CACNA2D3: variants seen among roughly 807,000 people sequenced by gnomAD.
The protein encoded by CACNA2D3 is calcium voltage-gated channel auxiliary subunit alpha2delta 3.
In CACNA2D3, 60 loss-of-function variants were observed where a neutral mutation model predicts 160.6. The ratio of observed to expected loss-of-function variants is 0.37; its 90% CI spans 0.30 to 0.46. The LOEUF (loss-of-function observed/expected upper bound fraction) is 0.46, where lower values mean the gene tolerates loss of function less well. Among genes scored for constraint, CACNA2D3 ranks in the 20% least tolerant of loss-of-function variants. CACNA2D3 has a pLI of 1.00. For synonymous variants in CACNA2D3, 558 were observed against 492.9 expected (o/e 1.13, Z -1.75); for missense variants, 1,205 against 1,365.0 (o/e 0.88, Z 1.85).
intron 2 of CACNA2D3, among the ~76,000 whole-genome samples, chr3:54,262,693 G>A (rs903744421): frequency 3.9e-5 from 6 of 152,136 alleles, no homozygotes; most frequent in African/African-American, 1.4e-4. Flanking sequence ...GGGGGACACA[G>A]GGGTAGTGAA....
chr3:54,425,894 A>G (rs1314946924), intron 4 of CACNA2D3, among the ~76,000 whole-genome samples: 3 of 152,248 alleles, frequency 2.0e-5, no homozygotes, highest in African/African-American at 7.2e-5. Flanking sequence ...CCACAGACGT[A>G]GAGGGGACGT....
At chr3:54,255,309 T>C (rs1425331350) in intron 2 of CACNA2D3, among the ~76,000 whole-genome samples, 2 of 152,174 alleles carry the variant, frequency 1.3e-5, no homozygotes, top group African/African-American at 4.8e-5. Flanking sequence ...TATAGAGCTT[T>C]GATACATCAG....
chr3:54,498,567 T>C (rs7374944), intron 4 of CACNA2D3, among the ~76,000 whole-genome samples: 30,493 of 151,862 alleles, frequency 0.2, 3,523 homozygotes, highest in East Asian at 0.34. Context: ...TTGTTTTGTT[T>C]TAAATTTCTG....
chr3:54,832,017 A>T (rs1218417271), intron 14 of CACNA2D3, among the ~76,000 whole-genome samples: 4 of 126,088 alleles, frequency 3.2e-5, no homozygotes, highest in Admixed American at 2.3e-4. Flanking sequence ...TCTGTCACAC[A>T]CACACACACA....
chr3:54,512,072 A>G (rs1002747804), intron 5 of CACNA2D3, among the ~76,000 whole-genome samples: 13 of 152,278 alleles, frequency 8.5e-5, no homozygotes, highest in African/African-American at 3.1e-4. Flanking sequence ...TGAGAAAGGG[A>G]TTGCCTTGCT....
At chr3:54,156,670 C>T (rs772237027) in intron 2 of CACNA2D3, among the ~76,000 whole-genome samples, 2 of 152,214 alleles carry the variant, frequency 1.3e-5, no homozygotes, top group African/African-American at 4.8e-5. Flanking sequence ...CTTGGTGGAG[C>T]CAGCCACCAT....
intron 2 of CACNA2D3, among the ~76,000 whole-genome samples, chr3:54,141,061 C>CTGTGTGTGTGTGTGTGAG (rs1553731211): frequency 2.3e-5 from 3 of 129,480 alleles, no homozygotes; most frequent in African/African-American, 9.4e-5. Context: ...CAGGTGAAAC[C>CTGTGTGTGTGTGTGTGAG]TGTGTGTGTG....
chr3:54,422,527 A>G (rs1699853116), intron 4 of CACNA2D3, among the ~76,000 whole-genome samples: 2 of 152,228 alleles, frequency 1.3e-5, no homozygotes, highest in Non-Finnish European at 2.9e-5. Flanking sequence ...AACAGTAGAT[A>G]TATAGGCAAC....
At chr3:54,895,171 A>G (rs944285019) in intron 25 of CACNA2D3, among the ~76,000 whole-genome samples, 3 of 152,230 alleles carry the variant, frequency 2.0e-5, no homozygotes, top group African/African-American at 7.2e-5. Context: ...AGACGGCCAT[A>G]GAAAGGAATT....
intron 17 of CACNA2D3, among the ~76,000 whole-genome samples, chr3:54,870,597 A>G (rs1194036357): frequency 1.3e-5 from 2 of 152,204 alleles, no homozygotes; most frequent in South Asian, 2.1e-4. Context: ...TCCAGACACA[A>G]GAACGTCCGG....
intron 21 of CACNA2D3, among the ~76,000 whole-genome samples, chr3:54,883,823 C>CTCTCTCTCTCTCTCTCTCTCTCT (rs60132112): frequency 6.4e-4 from 57 of 88,926 alleles, no homozygotes; most frequent in Middle Eastern, 6.3e-3. Flanking sequence ...CTCTCTCTCT[C>CTCTCTCTCTCTCTCTCTCTCTCT]CTCTCTCTCC....
At chr3:54,695,370 G>GT (rs200425063) in intron 11 of CACNA2D3, among the ~76,000 whole-genome samples, 4,990 of 146,118 alleles carry the variant, frequency 0.034, 87 homozygotes, top group Non-Finnish European at 0.052. Context: ...TTCAAGTTTA[G>GT]TTTTTTTTTT....
At chr3:54,747,513 T>A (rs1204205669) in intron 11 of CACNA2D3, among the ~76,000 whole-genome samples, 3 of 152,204 alleles carry the variant, frequency 2.0e-5, no homozygotes, top group African/African-American at 7.2e-5. Flanking sequence ...TGCTCTATCC[T>A]GCAGCCAGAA....
At chr3:54,742,741 A>G (rs1354312653) in intron 11 of CACNA2D3, among the ~76,000 whole-genome samples, 19 of 152,198 alleles carry the variant, frequency 1.2e-4, no homozygotes, top group East Asian at 1.9e-4. Context: ...TTAAAATACA[A>G]TTGGCTTCAA....
intron 2 of CACNA2D3, among the ~76,000 whole-genome samples, chr3:54,233,575 G>A (rs1164524308): frequency 6.6e-6 from 1 of 152,246 alleles, no homozygotes; most frequent in Non-Finnish European, 1.5e-5. Flanking sequence ...TAGCACTGGT[G>A]AAGTGGCACA....
intron 4 of CACNA2D3, among the ~76,000 whole-genome samples, chr3:54,446,386 G>T (rs1024933858): frequency 1.3e-5 from 2 of 152,112 alleles, no homozygotes; most frequent in African/African-American, 4.8e-5. Flanking sequence ...CAAGGGATTT[G>T]CTTAGATAAG....
intron 13 of CACNA2D3, among the ~76,000 whole-genome samples, chr3:54,804,130 G>C (rs533770597): frequency 1.1e-4 from 16 of 151,892 alleles, no homozygotes; most frequent in African/African-American, 3.9e-4. Flanking sequence ...ATCGAGACTA[G>C]GAAGAAACTG....
intron 4 of CACNA2D3, among the ~76,000 whole-genome samples, chr3:54,401,823 A>G (rs28868570): frequency 0.024 from 3,672 of 152,312 alleles, 68 homozygotes; most frequent in South Asian, 0.057. Flanking sequence ...ATAAAATTCA[A>G]TGGTAAAGGT....
chr3:54,561,939 C>G (rs971912930), intron 5 of CACNA2D3, among the ~76,000 whole-genome samples: 1 of 152,194 alleles, frequency 6.6e-6, no homozygotes, highest in Non-Finnish European at 1.5e-5. Flanking sequence ...TGGTAACATG[C>G]AAGAGAGCAT....
Sources: allele counts gnomAD v4.1 joint callset (sites outside exome capture counted in the v4.1 genomes callset), GRCh38; gene constraint gnomAD v4.1.1; transcripts MANE v1.5; gene names NCBI Gene and HGNC (gene_info 2026-07-23, HGNC 2026-07-21).